CDH20: variants seen among roughly 807,000 people sequenced by gnomAD.
CDH20 encodes cadherin-20.
CDH20 carries 29 observed loss-of-function variants against 74.2 expected under a neutral mutation model. That is an observed-to-expected ratio of 0.39 (90% CI 0.29 to 0.53). The LOEUF (loss-of-function observed/expected upper bound fraction) is 0.53, where lower values mean the gene tolerates loss of function less well. CDH20 is among the 20% of genes least tolerant of loss of function. The pLI, the probability that CDH20 is intolerant of heterozygous loss-of-function variation, is 0.69. For synonymous variants in CDH20, 469 were observed against 405.4 expected, an observed-to-expected ratio of 1.16 and a Z score of -1.88; for missense variants, 988 against 1,048.3, an observed-to-expected ratio of 0.94 and a Z score of 0.79.
intron 1 of CDH20, among the ~76,000 whole-genome samples, chr18:61,339,926 G>A (rs186251690): frequency 0.011 from 1,699 of 151,870 alleles, 14 homozygotes; most frequent in Non-Finnish European, 0.015. Flanking sequence ...TGCTGACCTC[G>A]TAATCCGCCC....
intron 1 of CDH20, among the ~76,000 whole-genome samples, chr18:61,465,659 G>A (rs1909934985): frequency 6.6e-6 from 1 of 151,746 alleles, no homozygotes; most frequent in African/African-American, 2.4e-5. Context: ...GAATTGTAAT[G>A]GTCCATTTTG....
At chr18:61,415,288 A>G (rs1342446353) in intron 1 of CDH20, among the ~76,000 whole-genome samples, 1 of 152,154 alleles carries the variant, frequency 6.6e-6, no homozygotes, top group African/African-American at 2.4e-5. Context: ...GTCATTTTAC[A>G]AATAATTTAT....
At chr18:61,365,726 G>T (rs957456202) in intron 1 of CDH20, among the ~76,000 whole-genome samples, 1 of 152,062 alleles carries the variant, frequency 6.6e-6, no homozygotes, top group African/African-American at 2.4e-5. Context: ...ACAGGTTCCT[G>T]GTAATTGAAT....
chr18:61,367,133 C>G (rs1452859941), intron 1 of CDH20, among the ~76,000 whole-genome samples: 1 of 152,140 alleles, frequency 6.6e-6, no homozygotes. Context: ...AACATTTCCT[C>G]TCATGTAAAG....
chr18:61,431,542 G>T (rs1021331567), intron 1 of CDH20, among the ~76,000 whole-genome samples: 11 of 151,814 alleles, frequency 7.2e-5, no homozygotes, highest in African/African-American at 2.4e-4. Context: ...AAACTAATAG[G>T]GTATATGAGA....
chr18:61,336,935 G>A (rs1364481400), intron 1 of CDH20, among the ~76,000 whole-genome samples: 2 of 152,150 alleles, frequency 1.3e-5, no homozygotes, highest in African/African-American at 2.4e-5. Context: ...ATGCCGAGAG[G>A]AGCCAAAGGG....
intron 1 of CDH20, among the ~76,000 whole-genome samples, chr18:61,421,984 C>T (rs1225053184): frequency 2.0e-5 from 3 of 152,040 alleles, no homozygotes; most frequent in East Asian, 3.9e-4. Context: ...ATTTTTCAAG[C>T]AACTTTTCAA....
intron 9 of CDH20, among the ~76,000 whole-genome samples, chr18:61,540,040 G>A (rs1464632283): frequency 2.0e-5 from 3 of 152,150 alleles, no homozygotes; most frequent in Non-Finnish European, 4.4e-5. Flanking sequence ...TCCATTTGGA[G>A]TGCCCATGTA....
At position 61,385,067 on chromosome 18, in the gene CDH20, C is replaced by T. The variant is rs145103594; in HGVS notation, c.-153+51240C>T. On this transcript the variant is annotated intron_variant, in intron 1 of 11. Coordinates refer to ENST00000262717, the MANE Select transcript of CDH20 (RefSeq NM_031891.4). ...CCATTTAATAATTAACGTTTAGAAACGCTAAAGAACATGCCCAACATCTTA... is the reference window on the plus strand; with the variant it reads ...CCATTTAATAATTAACGTTTAGAAATGCTAAAGAACATGCCCAACATCTTA... 2.6e-3 allele frequency among the ~76,000 whole-genome samples: 393 copies of T among 152,164 alleles called. 2 individuals are homozygous for T. Among genetic ancestry groups the T allele is most frequent in the African/African-American group, 9.0e-3 (372 of 41,530 alleles).
intron 6 of CDH20, among the ~76,000 whole-genome samples, chr18:61,510,830 C>T (rs1485824983): frequency 6.6e-6 from 1 of 152,116 alleles, no homozygotes; most frequent in Non-Finnish European, 1.5e-5. Flanking sequence ...ATTAAAATAA[C>T]AATACTATTT....
chr18:61,555,553 A>T lies in CDH20; in HGVS notation c.*858A>T. 1.0e-6 allele frequency: 1 copy of T among 985,454 alleles called. No homozygotes were observed. Among genetic ancestry groups the T allele is most frequent in the Non-Finnish European group, 1.2e-6 (1 of 829,924 alleles). 61.0% of individuals were successfully genotyped at this position (985,454 alleles called of 1,614,324 possible). On this transcript the variant is annotated 3_prime_UTR_variant, in exon 12 of 12. Coordinates refer to ENST00000262717, the MANE Select transcript of CDH20 (RefSeq NM_031891.4). ...AAATAAAAAAGAAGTATCTGACAAA[A>T]GCATGGGTTAGAGGGCTTTCCTAAT...
chr18:61,481,419 T>A (rs1466216260), intron 1 of CDH20, among the ~76,000 whole-genome samples: 1 of 152,206 alleles, frequency 6.6e-6, no homozygotes, highest in Non-Finnish European at 1.5e-5. Context: ...ATGTCACACA[T>A]CGAGTGGCAG....
At chr18:61,540,483 A>T (rs2191529) in intron 9 of CDH20, among the ~76,000 whole-genome samples, 1 of 152,188 alleles carries the variant, frequency 6.6e-6, no homozygotes, top group Non-Finnish European at 1.5e-5. Context: ...CGAAAGGCAC[A>T]TCTTACATGG....
chr18:61,428,246 C>T (rs1020853855), intron 1 of CDH20, among the ~76,000 whole-genome samples: 1 of 152,118 alleles, frequency 6.6e-6, no homozygotes, highest in Non-Finnish European at 1.5e-5. Flanking sequence ...ATGGAATCTG[C>T]AATCAAGTAA....
At chr18:61,374,664 A>G (rs1036326600) in intron 1 of CDH20, among the ~76,000 whole-genome samples, 1 of 152,152 alleles carries the variant, frequency 6.6e-6, no homozygotes, top group African/African-American at 2.4e-5. Context: ...ATTTTTAAAC[A>G]CTTTCAGAGT....
chr18:61,354,041 C>CA (rs35091174), intron 1 of CDH20, among the ~76,000 whole-genome samples: 26 of 139,034 alleles, frequency 1.9e-4, no homozygotes, highest in African/African-American at 4.8e-4. Flanking sequence ...GAGACCCTGT[C>CA]AAAAAAAAAA....
chr18:61,417,486 C>A (rs563094258), intron 1 of CDH20, among the ~76,000 whole-genome samples: 5 of 140,380 alleles, frequency 3.6e-5, no homozygotes, highest in African/African-American at 1.3e-4. Flanking sequence ...TAATTTGCAA[C>A]AACATGGATG....
In CDH20 at chr18:61,538,578, CTTTTTGTTTGTTTG is replaced by C. The variant is rs1555684265; in HGVS notation, c.1409-442_1409-429del. Among the ~76,000 whole-genome samples, 610 of 34,878 alleles carry C rather than the reference CTTTTTGTTTGTTTG, an allele frequency of 0.017. 158 individuals carry two copies. The East Asian group carries it at 0.41, about 24-fold the overall frequency. 22.9% of individuals were successfully genotyped at this position (34,878 alleles called of 152,430 possible). ...TCCAGACTCACCAAGTAAATAACTA[CTTTTTGTTTGTTTG>C]TTTGTTTTTGTTTTTGTTTTTGTTT... On this transcript the variant is annotated intron_variant, in intron 8 of 11. Transcript: ENST00000262717.
intron 1 of CDH20, among the ~76,000 whole-genome samples, chr18:61,468,402 T>G (rs1378278742): frequency 6.6e-6 from 1 of 152,152 alleles, no homozygotes; most frequent in Admixed American, 6.5e-5. Context: ...CCCTTTTCAT[T>G]TCTGTCTGTA....
Sources: gnomAD v4.1 joint callset for allele counts (sites outside exome capture counted in the v4.1 genomes callset) on GRCh38, gnomAD v4.1.1 for gene constraint, MANE v1.5 for transcripts, NCBI Gene and HGNC (gene_info 2026-07-23, HGNC 2026-07-21) for gene names.